AFF3: variants seen among roughly 807,000 people sequenced by gnomAD.
AFF3 encodes the protein ALF transcription elongation factor 3.
In AFF3, 32 loss-of-function variants were observed where a neutral mutation model predicts 129.7. The ratio of observed to expected loss-of-function variants is 0.25; its 90% confidence interval spans 0.19 to 0.33. AFF3 has a LOEUF of 0.33. AFF3 is among the 10% of genes least tolerant of loss of function. The pLI is 1.00. For missense variants in AFF3, 1,373 were observed against 1,592.0 expected (o/e 0.86, Z 2.34); for synonymous variants, 644 against 635.4 (o/e 1.01, Z -0.20).
At position 99,546,698 on chromosome 2, in the gene AFF3, G is replaced by C. The variant is rs1324707843; in HGVS notation, c.*4776C>G. 4.4e-6 allele frequency: 1 copy of C among 228,154 alleles called. No homozygotes were observed. Among genetic ancestry groups the C allele is most frequent in the South Asian group, 1.8e-4 (1 of 5,490 alleles). 14.1% of individuals were successfully genotyped at this position (228,154 alleles called of 1,614,324 possible). ...GTCAAGCCACTGGTCTAATGCCTCC[G>C]TCTTCTTTAGTTCAAAATTATCTTA... On this transcript the variant is annotated 3_prime_UTR_variant, in exon 25 of 25. Transcript: ENST00000672756.
chr2:100,028,197 G>A (rs1208265957), intron 4 of AFF3, among the ~76,000 whole-genome samples: 1 of 152,094 alleles, frequency 6.6e-6, no homozygotes, highest in African/African-American at 2.4e-5. Context: ...GGCAGCTTGA[G>A]GAAGTGTAAA....
chr2:99,624,669 A>AC (rs1206035940), intron 13 of AFF3, among the ~76,000 whole-genome samples: 1 of 152,236 alleles, frequency 6.6e-6, no homozygotes, highest in Non-Finnish European at 1.5e-5. Flanking sequence ...ACAGACGTGC[A>AC]CATAGGTCAG....
intron 7 of AFF3, among the ~76,000 whole-genome samples, chr2:99,948,629 T>C (rs73964374): frequency 0.021 from 3,188 of 152,170 alleles, 58 homozygotes; most frequent in Middle Eastern, 0.051. Flanking sequence ...CCCCAAATCA[T>C]CCTCCTTGCC....
intron 3 of AFF3, 116 bp from the exon 4 acceptor site, chr2:100,104,634 CGGCCGGGCT>C: frequency 1.0e-6 from 1 of 966,798 alleles, no homozygotes; most frequent in Non-Finnish European, 1.2e-6. Context: ...GACTCCGGGC[CGGCCGGGCT>C]GGCTGCAGCG....
intron 9 of AFF3, 24 bp from the exon 10 acceptor site, chr2:99,744,164 T>A (rs1370105106): frequency 2.5e-6 from 4 of 1,596,634 alleles, no homozygotes; most frequent in Non-Finnish European, 3.4e-6. Context: ...AAATATCAAT[T>A]AATTTTCTTA....
At chr2:99,601,707 C>G in intron 13 of AFF3, 86 bp from the exon 14 acceptor site, 19 of 1,469,558 alleles carry the variant, frequency 1.3e-5, no homozygotes, top group Non-Finnish European at 1.7e-5. Flanking sequence ...GTCATGCACC[C>G]TAAAGAGGGA....
chr2:99,757,278 T>C (rs1682191855), intron 8 of AFF3, among the ~76,000 whole-genome samples: 1 of 152,168 alleles, frequency 6.6e-6, no homozygotes, highest in Non-Finnish European at 1.5e-5. Context: ...ACCTGGGTGC[T>C]CATGAGCGAT....
chr2:99,704,335 C>T (rs960844914), intron 11 of AFF3, among the ~76,000 whole-genome samples: 2 of 152,128 alleles, frequency 1.3e-5, no homozygotes, highest in Non-Finnish European at 2.9e-5. Flanking sequence ...TCTTAGTTTT[C>T]CTGCAGCCAT....
At chr2:100,098,849 G>A (rs1361284829) in intron 4 of AFF3, among the ~76,000 whole-genome samples, 1 of 109,730 alleles carries the variant, frequency 9.1e-6, no homozygotes, top group South Asian at 2.9e-4. Flanking sequence ...CCCACACGAG[G>A]GCTGAGCTCC....
rs1448726873 is a variant in AFF3, at chr2:99,545,454, C to G, written c.*6020G>C. On this transcript the variant is annotated 3_prime_UTR_variant, in exon 25 of 25. Coordinates refer to ENST00000672756, the MANE Select transcript of AFF3 (RefSeq NM_001386135.1). Reference sequence around the variant, plus strand: ...ATATTATTTTAATTACCCAACAGCACTCTAAAAATCCTAAACATTGGTGCT... The same window carrying G: ...ATATTATTTTAATTACCCAACAGCAGTCTAAAAATCCTAAACATTGGTGCT... The G allele has an allele frequency of 6.6e-6, 1 of 152,148 alleles. No individual in the cohort carries two copies. The highest frequency in any genetic ancestry group is 1.9e-4 in the East Asian group (1 of 5,202). The allele number at this position is 152,148 out of a possible 1,614,324, so 9.4% of individuals were successfully genotyped here. A position where few individuals can be genotyped will look rare whatever the true frequency, so the allele number is the denominator to read the frequency against.
At chr2:99,781,119 CCAAA>C (rs1170282577) in intron 8 of AFF3, among the ~76,000 whole-genome samples, 1 of 152,166 alleles carries the variant, frequency 6.6e-6, no homozygotes, top group Admixed American at 6.5e-5. Flanking sequence ...ATGATTTTCT[CCAAA>C]CAAACCAAAC....
intron 10 of AFF3, among the ~76,000 whole-genome samples, chr2:99,742,820 A>G (rs1575842623): frequency 6.6e-6 from 1 of 152,356 alleles, no homozygotes; most frequent in African/African-American, 2.4e-5. Flanking sequence ...GTAAGTCAGG[A>G]CGCTAGCGCA....
chr2:99,938,221 T>G (rs1032945504), intron 7 of AFF3, among the ~76,000 whole-genome samples: 1 of 152,208 alleles, frequency 6.6e-6, no homozygotes, highest in Non-Finnish European at 1.5e-5. Flanking sequence ...ACATCAGCCA[T>G]GTCTTCAAGG....
chr2:99,882,043 C>T (rs942006976), intron 7 of AFF3, among the ~76,000 whole-genome samples: 6 of 151,938 alleles, frequency 3.9e-5, no homozygotes, highest in Admixed American at 3.9e-4. Context: ...CATGATTGGT[C>T]CTCATTTGCC....
chr2:99,748,765 C>A (rs889662697), intron 9 of AFF3, among the ~76,000 whole-genome samples: 1 of 152,140 alleles, frequency 6.6e-6, no homozygotes, highest in Non-Finnish European at 1.5e-5. Context: ...TAACACAAAC[C>A]GTACATATTT....
intron 7 of AFF3, among the ~76,000 whole-genome samples, chr2:99,973,407 G>A (rs956201364): frequency 3.9e-5 from 6 of 152,170 alleles, no homozygotes; most frequent in South Asian, 4.1e-4. Flanking sequence ...TAAGCAAGTC[G>A]TTCTACTGGC....
At chr2:100,104,868 C>G (rs1691143341) in intron 3 of AFF3, 1 of 416,056 alleles carries the variant, frequency 2.4e-6, no homozygotes, top group Non-Finnish European at 3.2e-6. Context: ...CTCCGGGAGG[C>G]GCGTGTGCGC....
chr2:99,967,178 C>T (rs1482659005), intron 7 of AFF3, among the ~76,000 whole-genome samples: 1 of 152,030 alleles, frequency 6.6e-6, no homozygotes, highest in Non-Finnish European at 1.5e-5. Context: ...ATCTCTTACC[C>T]TTATACACAG....
chr2:99,965,221 C>A (rs1677625915), intron 7 of AFF3, among the ~76,000 whole-genome samples: 1 of 152,156 alleles, frequency 6.6e-6, no homozygotes, highest in African/African-American at 2.4e-5. Flanking sequence ...CAGAACCCAC[C>A]TATTCAAAGA....
Sources: gnomAD v4.1 joint callset for allele counts (sites outside exome capture counted in the v4.1 genomes callset) on GRCh38, gnomAD v4.1.1 for gene constraint, MANE v1.5 for transcripts, NCBI Gene and HGNC (gene_info 2026-07-23, HGNC 2026-07-21) for gene names.